The following ABCD4 variants were observed in gnomAD, a reference collection of about 807,000 sequenced individuals.
ABCD4 encodes the protein lysosomal cobalamin transporter ABCD4.
Under a neutral mutation model 86.3 loss-of-function variants are expected in ABCD4, and 53 were observed. The observed-to-expected ratio is 0.61, with a 90% CI of 0.49 to 0.77. ABCD4 has a LOEUF of 0.77. Ranked by LOEUF, ABCD4 falls within the 30% of genes least tolerant of loss-of-function variation. The pLI is 0.00. For missense variants in ABCD4, 757 were observed against 764.5 expected, an observed-to-expected ratio of 0.99 and a Z score of 0.12; for synonymous variants, 328 against 313.6, an observed-to-expected ratio of 1.05 and a Z score of -0.49.
At chr14:74,288,384 C>CA in intron 15 of ABCD4, 125 bp from the exon 16 acceptor site, 1 of 936,848 alleles carries the variant, frequency 1.1e-6, no homozygotes. Context: ...GCCCCAGTGG[C>CA]ATACCAAGGC....
At chr14:74,299,377 T>A (rs2301346) in intron 3 of ABCD4, 171 bp downstream of exon 3, 1 of 796,090 alleles carries the variant, frequency 1.3e-6, no homozygotes, top group East Asian at 2.8e-5. Context: ...CGTGGGCCAA[T>A]AGCAAGATCA....
intron 3 of ABCD4, among the ~76,000 whole-genome samples, chr14:74,298,577 A>C (rs2140070610): frequency 6.6e-6 from 1 of 152,130 alleles, no homozygotes; most frequent in East Asian, 1.9e-4. Context: ...AGCCTCCTTC[A>C]CCAAATATTA....
chr14:74,300,922 G>GGATCACTGCAACCTCC (rs1024848886), intron 1 of ABCD4, among the ~76,000 whole-genome samples: 1 of 148,012 alleles, frequency 6.8e-6, no homozygotes, highest in Non-Finnish European at 1.5e-5. Context: ...GCGCAATCTC[G>GGATCACTGCAACCTCC]GATCACTGCA....
intron 1 of ABCD4, among the ~76,000 whole-genome samples, chr14:74,300,485 G>A (rs551476660): frequency 4.0e-5 from 6 of 151,750 alleles, no homozygotes; most frequent in East Asian, 3.9e-4. Flanking sequence ...CCAGCTACTC[G>A]GGAGGCTGAG....
rs746174215 is a variant in ABCD4 at position 74,290,054 on chromosome 14, G to A, written c.1392C>T (p.Phe464=). 2 of 1,614,178 alleles carry A rather than the reference G, an allele frequency of 1.2e-6. No homozygotes were observed. Among genetic ancestry groups the A allele is most frequent in the Non-Finnish European group, 1.7e-6 (2 of 1,180,038 alleles). ...HGVLFLPQKP[F]FTDGTLREQV... Reference sequence around the variant, plus strand: ...GCTCCCGAAGGGTCCCGTCAGTGAAGAATGGCTTTTGTGGCAGGAATAGCA... The same window carrying A: ...GCTCCCGAAGGGTCCCGTCAGTGAAAAATGGCTTTTGTGGCAGGAATAGCA... Residue 464 remains phenylalanine, a synonymous_variant, in exon 13 of 19, where the codon TTC becomes TTT. Coordinates refer to ENST00000356924, the MANE Select transcript of ABCD4 (RefSeq NM_005050.4).
chr14:74,288,536 C>A (rs1236399167), intron 15 of ABCD4, 180 bp downstream of exon 15: 4 of 710,514 alleles, frequency 5.6e-6, no homozygotes, highest in African/African-American at 5.4e-5. Context: ...CCAATGAGAG[C>A]ACTACCCCCT....
chr14:74,289,887 C>A, intron 13 of ABCD4, 140 bp downstream of exon 13: 1 of 1,500,230 alleles, frequency 6.7e-7, no homozygotes, highest in South Asian at 1.4e-5. Flanking sequence ...TTAGAGCCAG[C>A]AGTTCCCAGG....
Position 74,286,495 on chromosome 14 carries a change from C to G in ABCD4, c.1787G>C (p.Gly596Ala). Reference sequence around the variant, plus strand: ...TTTGATTCTCATCAGCTCCCATCTTCCTCCTCCACAGAGTTTCAGAACCAA... The same window carrying G: ...TTTGATTCTCATCAGCTCCCATCTTGCTCCTCCACAGAGTTTCAGAACCAA... Reference protein sequence around the residue: ...HSLVLKLCGGGRWELMRIKVE With the variant: ...HSLVLKLCGGARWELMRIKVE Residue 596 changes from glycine to alanine, a missense_variant, in exon 19 of 19, where the codon GGA becomes GCA. By Grantham distance (60) the Gly-to-Ala change is moderately conservative. Transcript: ENST00000356924. The G allele has an allele frequency of 1.2e-6, 2 of 1,614,238 alleles. No individual in the cohort carries two copies. Among genetic ancestry groups the G allele is most frequent in the Admixed American group, 1.7e-5 (1 of 60,034 alleles).
rs768597454 is a variant in ABCD4 at position 74,288,156 on chromosome 14, C to T, written c.1559+51G>A. Reference sequence around the variant, plus strand: ...ATTCCTTGACAGGGACCCTGAAACCCACTGTCTTTATGGTGGGGCTATCTC... The same window carrying T: ...ATTCCTTGACAGGGACCCTGAAACCTACTGTCTTTATGGTGGGGCTATCTC... On this transcript the variant is annotated intron_variant, in intron 16 of 18. Transcript: ENST00000356924. 1.1e-5 allele frequency: 17 copies of T among 1,592,266 alleles called. No individual in the cohort carries two copies. The South Asian group carries it at 1.9e-4, about 18-fold the overall frequency.
In ABCD4 at chr14:74,288,258, G is replaced by C. The variant is rs1374809313; in HGVS notation, c.1508C>G (p.Ser503Cys). 2 of 1,605,740 alleles carry C rather than the reference G, an allele frequency of 1.2e-6. No homozygotes were observed. Among genetic ancestry groups the C allele is most frequent in the Non-Finnish European group, 1.7e-6 (2 of 1,176,058 alleles). Residue 503 changes from serine to cysteine, a missense_variant and splice_region_variant, in exon 16 of 19, where the codon TCC becomes TGC. By Grantham distance (112) the Ser-to-Cys change is moderately radical (BLOSUM62 -1). Transcript: ENST00000356924. Reference sequence around the variant, plus strand: ...GCCCTCTGTCCTTGCCACCAAGTTGGACTGTAACAGACCCAGAGGGCAGGA... The same window carrying C: ...GCCCTCTGTCCTTGCCACCAAGTTGCACTGTAACAGACCCAGAGGGCAGGA... ...ILRFLELAGL[S>C]NLVARTEGLD...
rs1354216346 is a variant in ABCD4, at chr14:74,286,057, G to A, written c.*404C>T. On this transcript the variant is annotated 3_prime_UTR_variant, in exon 19 of 19. Transcript: ENST00000356924. ...TAAAAAACTTAAATGGTCAGTTAAAGTTAAAAATCTATTGCTGCACAATTT... is the reference window on the plus strand; with the variant it reads ...TAAAAAACTTAAATGGTCAGTTAAAATTAAAAATCTATTGCTGCACAATTT... 1.3e-5 allele frequency: 2 copies of A among 158,014 alleles called. No homozygotes were observed. Among genetic ancestry groups the A allele is most frequent in the African/African-American group, 4.8e-5 (2 of 41,660 alleles). The allele number at this position is 158,014 out of a possible 1,614,324, so 9.8% of individuals were successfully genotyped here. A position where few individuals can be genotyped will look rare whatever the true frequency, so the allele number is the denominator to read the frequency against.
intron 15 of ABCD4, 101 bp from the exon 16 acceptor site, chr14:74,288,360 T>A: frequency 8.5e-7 from 1 of 1,170,706 alleles, no homozygotes; most frequent in Non-Finnish European, 1.2e-6. Context: ...CACACACCTC[T>A]AAGACAAATA....
At position 74,286,768 on chromosome 14, in the gene ABCD4, A is replaced by G; in HGVS notation, c.1685T>C (p.Leu562Pro). ...SALTEEVESE[L>P]YRIGQQLGMT... ...CCCCAGCTGCTGGCCGATGCGATAG[A>G]GCTCGCTCTCCACTTCCTCTGTCAG... Residue 562 changes from leucine (L) to proline (P), a missense_variant, in exon 18 of 19, where the codon CTC becomes CCC. Leu to Pro is a moderately conservative substitution (Grantham distance 98). Coordinates refer to ENST00000356924, the MANE Select transcript of ABCD4 (RefSeq NM_005050.4). 1 of 1,614,054 alleles carries G rather than the reference A, an allele frequency of 6.2e-7. No homozygotes were observed.
At chr14:74,298,166 A>G in intron 3 of ABCD4, 97 bp from the exon 4 acceptor site, 1 of 1,524,658 alleles carries the variant, frequency 6.6e-7, no homozygotes, top group East Asian at 2.4e-5. Flanking sequence ...GACCCATCCC[A>G]GCCCACTCTG....
chr14:74,296,094 C>T, intron 5 of ABCD4, 115 bp from the exon 6 acceptor site: 1 of 1,405,492 alleles, frequency 7.1e-7, no homozygotes, highest in Admixed American at 2.5e-5. Context: ...TCTGAGTGGC[C>T]CAATGGGCCC....
Position 74,290,055 on chromosome 14 carries a change from A to G in ABCD4, c.1391T>C (p.Phe464Ser). ...HGVLFLPQKPFFTDGTLREQV... is the reference protein window; with the variant it reads ...HGVLFLPQKPSFTDGTLREQV... Reference sequence around the variant, plus strand: ...CTCCCGAAGGGTCCCGTCAGTGAAGAATGGCTTTTGTGGCAGGAATAGCAC... The same window carrying G: ...CTCCCGAAGGGTCCCGTCAGTGAAGGATGGCTTTTGTGGCAGGAATAGCAC... The change falls in exon 13 of 19, where the codon TTC (phenylalanine) becomes TCC (serine). Residue 464 changes from phenylalanine (F) to serine (S), a missense_variant. Transcript: ENST00000356924. 1 of 1,614,060 alleles carries G rather than the reference A, an allele frequency of 6.2e-7. No individual in the cohort carries two copies. The highest frequency in any genetic ancestry group is 8.5e-7 in the Non-Finnish European group (1 of 1,180,010).
In ABCD4 at chr14:74,285,708, G is replaced by C. The variant is rs930107355; in HGVS notation, c.*753C>G. 6.6e-6 allele frequency: 1 copy of C among 152,056 alleles called. No individual in the cohort carries two copies. The highest frequency in any genetic ancestry group is 1.9e-4 in the East Asian group (1 of 5,198). The allele number at this position is 152,056 out of a possible 1,614,324, so 9.4% of individuals were successfully genotyped here. A position where few individuals can be genotyped will look rare whatever the true frequency, so the allele number is the denominator to read the frequency against. ...TTTGCTGTTGTTGTTCCCTAATATA[G>C]ACTATTTTTTTAGAAAACCCAACCT... On this transcript the variant is annotated 3_prime_UTR_variant, in exon 19 of 19. Coordinates refer to ENST00000356924, the MANE Select transcript of ABCD4 (RefSeq NM_005050.4).
At chr14:74,298,189 C>A in intron 3 of ABCD4, 120 bp from the exon 4 acceptor site, 1 of 1,485,560 alleles carries the variant, frequency 6.7e-7, no homozygotes, top group East Asian at 2.5e-5. Flanking sequence ...TCTGATTACT[C>A]CGTCCACTCA....
Position 74,290,380 on chromosome 14 carries a change from T to C in ABCD4, c.1238A>G (p.Glu413Gly). 1 of 1,614,098 alleles carries C rather than the reference T, an allele frequency of 6.2e-7. No individual in the cohort carries two copies. The highest frequency in any genetic ancestry group is 8.5e-7 in the Non-Finnish European group (1 of 1,180,014). ...GCCTGTGATGAGCAGGCTCTGTCCC[T>C]CGGAGATCTTTAGGCTCAGATCCTT... ...LIKDLSLKIS[E>G]GQSLLITGNT... The change falls in exon 12 of 19, where the codon GAG (glutamate) becomes GGG (glycine). Residue 413 changes from glutamate to glycine, a missense_variant. Physicochemically the swap from Glu to Gly is moderately conservative, Grantham distance 98. Coordinates refer to ENST00000356924, the MANE Select transcript of ABCD4 (RefSeq NM_005050.4).
Sources: allele counts gnomAD v4.1 joint callset (sites outside exome capture counted in the v4.1 genomes callset), GRCh38; gene constraint gnomAD v4.1.1; transcripts MANE v1.5; gene names NCBI Gene and HGNC (gene_info 2026-07-23, HGNC 2026-07-21).